Variants in ROBO2 observed in about 807,000 individuals in gnomAD.
ROBO2 encodes roundabout homolog 2.
ROBO2 carries 53 observed loss-of-function variants against 160.8 expected under a neutral mutation model. The ratio of observed to expected loss-of-function variants is 0.33; its 90% CI spans 0.26 to 0.41. The LOEUF (loss-of-function observed/expected upper bound fraction) is 0.41, where lower values mean the gene tolerates loss of function less well. ROBO2 is among the 10% of genes least tolerant of loss of function. The pLI, the probability that ROBO2 is intolerant of heterozygous loss-of-function variation, is 1.00. For missense variants in ROBO2, 1,577 were observed against 1,722.4 expected (o/e 0.92, Z 1.49); for synonymous variants, 664 against 611.7 (o/e 1.09, Z -1.26).
intron 2 of ROBO2, among the ~76,000 whole-genome samples, chr3:76,050,427 T>C (rs1307969685): frequency 6.6e-6 from 1 of 152,100 alleles, no homozygotes; most frequent in Non-Finnish European, 1.5e-5. Context: ...TCAGACTGGC[T>C]TCCTGGGTCC....
At chr3:76,204,540 T>A (rs1702709284) in intron 2 of ROBO2, among the ~76,000 whole-genome samples, 1 of 152,216 alleles carries the variant, frequency 6.6e-6, no homozygotes, top group Non-Finnish European at 1.5e-5. Flanking sequence ...TCTAATCAAC[T>A]ATTAATAGCT....
intron 2 of ROBO2, among the ~76,000 whole-genome samples, chr3:77,173,113 T>C (rs1194086982): frequency 6.6e-6 from 1 of 152,142 alleles, no homozygotes; most frequent in African/African-American, 2.4e-5. Context: ...TTAGAAAGCA[T>C]TGACCCAAAT....
chr3:77,053,946 G>A (rs2065464928), intron 1 of ROBO2, among the ~76,000 whole-genome samples: 3 of 152,120 alleles, frequency 2.0e-5, no homozygotes, highest in Admixed American at 2.0e-4. Context: ...CGATTATAGT[G>A]CCCATTTAGG....
intron 2 of ROBO2, among the ~76,000 whole-genome samples, chr3:75,962,919 T>G (rs1948972848): frequency 6.6e-6 from 1 of 151,834 alleles, no homozygotes; most frequent in African/African-American, 2.4e-5. Flanking sequence ...AGTAGGTAGA[T>G]TATTTGAATG....
At chr3:76,437,755 CAAAG>C (rs1349155566) in intron 2 of ROBO2, among the ~76,000 whole-genome samples, 5 of 152,048 alleles carry the variant, frequency 3.3e-5, no homozygotes, top group Non-Finnish European at 5.9e-5. Context: ...AAAAAGAAGA[CAAAG>C]AAAAAAGGTG....
chr3:77,412,057 C>A (rs1475792384), intron 2 of ROBO2, among the ~76,000 whole-genome samples: 1 of 152,114 alleles, frequency 6.6e-6, no homozygotes, highest in Non-Finnish European at 1.5e-5. Flanking sequence ...ACCTTCCAGG[C>A]GTGTTTTCTA....
At chr3:76,599,208 G>C (rs1308443446) in intron 2 of ROBO2, among the ~76,000 whole-genome samples, 8 of 152,090 alleles carry the variant, frequency 5.3e-5, no homozygotes, top group African/African-American at 1.9e-4. Context: ...ATTTGTTTCT[G>C]ATTCTCTCCC....
At chr3:76,880,540 C>T (rs933621004) in intron 2 of ROBO2, among the ~76,000 whole-genome samples, 17 of 152,070 alleles carry the variant, frequency 1.1e-4, no homozygotes, top group African/African-American at 3.9e-4. Context: ...TCATTTATAA[C>T]TAGTTCATTA....
intron 2 of ROBO2, among the ~76,000 whole-genome samples, chr3:76,241,456 A>T (rs562256407): frequency 7.2e-5 from 11 of 152,196 alleles, no homozygotes; most frequent in Admixed American, 1.3e-4. Context: ...AACGGAGGAA[A>T]ATCCCTGTCC....
intron 2 of ROBO2, among the ~76,000 whole-genome samples, chr3:76,483,752 A>G (rs1006557675): frequency 1.3e-5 from 2 of 151,804 alleles, no homozygotes; most frequent in African/African-American, 4.8e-5. Context: ...AGTGTGTGCT[A>G]TTTCCCTATG....
At chr3:77,033,508 A>T (rs1357364744) in intron 2 of ROBO2, among the ~76,000 whole-genome samples, 1 of 152,162 alleles carries the variant, frequency 6.6e-6, no homozygotes, top group Non-Finnish European at 1.5e-5. Context: ...TGTTTGGTAA[A>T]GAAGGGAGAA....
Position 76,084,335 on chromosome 3 carries a change from C to T in ROBO2, c.109+146733C>T, listed in dbSNP as rs375425042. ...TTAGTCTTTTCTTCTCCACAGCCAC[C>T]GGAGTCCTAATTAGTCATTTATCAT... is the stretch of plus-strand genomic sequence containing the variant. On this transcript the variant is annotated intron_variant, in intron 2 of 26. Coordinates refer to the ROBO2 transcript ENST00000487694. Among the ~76,000 whole-genome samples, 107 of 152,172 alleles carry T rather than the reference C, an allele frequency of 7.0e-4. 1 individual carries two copies. The highest frequency in any genetic ancestry group is 2.4e-3 in the African/African-American group (99 of 41,528).
chr3:77,399,344 G>A (rs1366210189), intron 2 of ROBO2, among the ~76,000 whole-genome samples: 1 of 152,162 alleles, frequency 6.6e-6, no homozygotes, highest in East Asian at 1.9e-4. Context: ...TTGGTGACAA[G>A]TAGTCAGGAT....
intron 2 of ROBO2, among the ~76,000 whole-genome samples, chr3:76,792,898 A>G (rs781747259): frequency 6.6e-6 from 1 of 151,832 alleles, no homozygotes; most frequent in East Asian, 1.9e-4. Flanking sequence ...AGTTTTTGAA[A>G]GTGTTGAGTT....
At chr3:76,961,745 G>A (rs1486827087) in intron 2 of ROBO2, among the ~76,000 whole-genome samples, 1 of 152,102 alleles carries the variant, frequency 6.6e-6, no homozygotes, top group Non-Finnish European at 1.5e-5. Context: ...AGTTTCCATA[G>A]TCCTCACAAG....
At chr3:77,267,686 G>A (rs1018456462) in intron 2 of ROBO2, among the ~76,000 whole-genome samples, 3 of 152,176 alleles carry the variant, frequency 2.0e-5, no homozygotes, top group Admixed American at 2.0e-4. Context: ...CTTGGCTACA[G>A]GAGAGTAGTA....
chr3:77,358,557 C>T (rs549616974), intron 2 of ROBO2, among the ~76,000 whole-genome samples: 15 of 152,290 alleles, frequency 9.8e-5, no homozygotes, highest in African/African-American at 2.9e-4. Context: ...TTTTATGTTT[C>T]ATTCTTGAAC....
intron 1 of ROBO2, among the ~76,000 whole-genome samples, chr3:77,042,079 A>G (rs944354232): frequency 1.1e-4 from 16 of 152,222 alleles, no homozygotes; most frequent in African/African-American, 3.9e-4. Flanking sequence ...ACATGAGGCA[A>G]TACAGAGGAG....
intron 1 of ROBO2, among the ~76,000 whole-genome samples, chr3:77,091,552 G>A (rs371089559): frequency 5.9e-5 from 9 of 152,182 alleles, no homozygotes; most frequent in East Asian, 5.8e-4. Flanking sequence ...TCTGGCTGAC[G>A]AACTTGATGA....
Sources: allele counts gnomAD v4.1 joint callset (sites outside exome capture counted in the v4.1 genomes callset), GRCh38; gene constraint gnomAD v4.1.1; transcripts MANE v1.5; gene names NCBI Gene and HGNC (gene_info 2026-07-23, HGNC 2026-07-21).